Variants in SALL2 observed in about 807,000 individuals in gnomAD.
The protein encoded by SALL2 is spalt like transcription factor 2, also known as sal-like protein 2.
Under a neutral mutation model 58.5 loss-of-function variants are expected in SALL2, and 32 were observed. The observed-to-expected ratio is 0.55, with a 90% CI of 0.41 to 0.74. The LOEUF is 0.74. SALL2 is among the 30% of genes least tolerant of loss of function. The pLI is 0.00. For missense variants in SALL2, 1,201 were observed against 1,268.9 expected, an observed-to-expected ratio of 0.95 and a Z score of 0.81; for synonymous variants, 516 against 513.6, an observed-to-expected ratio of 1.00 and a Z score of -0.06.
Position 21,522,844 on chromosome 14 carries a change from C to T in SALL2, c.2878G>A (p.Ala960Thr). The part of the protein sequence containing the change: ...RATLKKHMLL[A>T]HHQVQPFAPH... ...GCAAAGGGCTGTACCTGGTGGTGTG[C>T]CAGGAGCATATGCTTCTTGAGGGTA... The change falls in exon 2 of 2, where the codon GCA (alanine) becomes ACA (threonine). Residue 960 changes from alanine (A) to threonine (T), a missense_variant. Ala to Thr is a moderately conservative substitution (Grantham distance 58). This residue lies in a region of SALL2 where 675 missense variants were observed against 683.8 expected (regional missense o/e 0.99). Coordinates refer to ENST00000537235, the MANE Select transcript of SALL2 (RefSeq NM_001364564.1). 1 of 1,610,528 alleles carries T rather than the reference C, an allele frequency of 6.2e-7. No individual in the cohort carries two copies. The highest frequency in any genetic ancestry group is 8.5e-7 in the Non-Finnish European group (1 of 1,178,426).
chr14:21,524,178 A>G lies in SALL2; in HGVS notation c.1544T>C (p.Val515Ala). Residue 515 changes from valine to alanine, a missense_variant, in exon 2 of 2, where the codon GTG (valine) becomes GCG (alanine). Physicochemically the swap from Val to Ala is moderately conservative, Grantham distance 64 (BLOSUM62 0). Coordinates refer to ENST00000537235, the MANE Select transcript of SALL2 (RefSeq NM_001364564.1). ...TTCATCAGCTTTATTCTTGGGTTCCACTGCTTTCATGAGCACAAACTTATT... is the reference window on the plus strand; with the variant it reads ...TTCATCAGCTTTATTCTTGGGTTCCGCTGCTTTCATGAGCACAAACTTATT... Reference protein sequence around the residue: ...AFNKFVLMKAVEPKNKADENT... With the variant: ...AFNKFVLMKAAEPKNKADENT... 1 of 1,612,330 alleles carries G rather than the reference A, an allele frequency of 6.2e-7. No individual in the cohort carries two copies. Among genetic ancestry groups the G allele is most frequent in the Non-Finnish European group, 8.5e-7 (1 of 1,179,112 alleles).
chr14:21,532,216 T>C (rs993365067), intron 1 of SALL2, among the ~76,000 whole-genome samples: 2 of 152,224 alleles, frequency 1.3e-5, no homozygotes, highest in Non-Finnish European at 2.9e-5. Flanking sequence ...ATGATTCCAT[T>C]AGTATGAGGT....
At chr14:21,528,662 C>G (rs1424428889), upstream of SALL2, among the ~76,000 whole-genome samples, 1 of 152,150 alleles carries the variant, frequency 6.6e-6, no homozygotes. Context: ...GATAAGGAAA[C>G]TGAAGCTTGG....
chr14:21,536,982 C>G, exon 1 of SALL2: 1 of 1,454,712 alleles, frequency 6.9e-7, no homozygotes, highest in Non-Finnish European at 9.7e-7. Context: ...CCGGGGTGAC[C>G]TGGTCTCGTC....
At position 21,524,465 on chromosome 14, in the gene SALL2, G is replaced by C; in HGVS notation, c.1257C>G (p.His419Gln). The change falls in exon 2 of 2, where the codon CAC becomes CAG. Residue 419 changes from histidine (H) to glutamine (Q), a missense_variant. Transcript: ENST00000537235. Reference protein sequence around the residue: ...TTRGNLKVHFHRHREKYPHVQ... With the variant: ...TTRGNLKVHFQRHREKYPHVQ... ...CATGTGGGTACTTCTCACGATGCCG[G>C]TGGAAATGCACTTTGAGGTTGCCAC... 1.2e-6 allele frequency: 2 copies of C among 1,614,268 alleles called. No homozygotes were observed. Among genetic ancestry groups the C allele is most frequent in the South Asian group, 2.2e-5 (2 of 91,088 alleles).
upstream of SALL2, chr14:21,526,401 C>T (rs59202868): frequency 2.0e-5 from 21 of 1,036,868 alleles, 1 homozygote; most frequent in African/African-American, 1.1e-4. Flanking sequence ...GGGAGGGAGG[C>T]GGGAGCTAGA....
At chr14:21,535,262 G>A (rs557055518) in intron 1 of SALL2, among the ~76,000 whole-genome samples, 12 of 151,530 alleles carry the variant, frequency 7.9e-5, no homozygotes, top group South Asian at 2.1e-4. Context: ...GGAGAATGGC[G>A]TGAACCTGGG....
Position 21,525,408 on chromosome 14 carries a change from G to A in SALL2, c.314C>T (p.Pro105Leu), listed in dbSNP as rs1481689597. ...CTCTGGGCCCCAGGTGGGATCCGTG[G>A]GCACGGAGGACCCAGAATCTGGGGG... Reference protein sequence around the residue: ...SNPPDSGSSVPTDPTWGPERR... With the variant: ...SNPPDSGSSVLTDPTWGPERR... Residue 105 changes from proline to leucine, a missense_variant, in exon 2 of 2, where the codon CCC becomes CTC. Pro to Leu is a moderately conservative substitution (Grantham distance 98). Coordinates refer to ENST00000537235, the MANE Select transcript of SALL2 (RefSeq NM_001364564.1). The surrounding 1 kb of genome is among the most constrained non-coding windows in gnomAD (Gnocchi z 4.4). The A allele has an allele frequency of 6.2e-7, 1 of 1,614,030 alleles. No homozygotes were observed. Among genetic ancestry groups the A allele is most frequent in the South Asian group, 1.1e-5 (1 of 91,074 alleles).
chr14:21,530,153 G>T (rs895137082), upstream of SALL2, among the ~76,000 whole-genome samples: 7 of 151,956 alleles, frequency 4.6e-5, no homozygotes, highest in Non-Finnish European at 1.0e-4. Flanking sequence ...TCCATGAATA[G>T]AATTTGATAT....
upstream of SALL2, chr14:21,526,577 C>T: frequency 1.1e-6 from 1 of 932,416 alleles, no homozygotes; most frequent in Non-Finnish European, 1.3e-6. Context: ...CCAGGCCTAC[C>T]CTCCTCCCCC....
In SALL2 at chr14:21,524,734, A is replaced by G. The variant is rs1439607867; in HGVS notation, c.988T>C (p.Cys330Arg). The G allele has an allele frequency of 1.2e-6, 2 of 1,611,886 alleles. No homozygotes were observed. Among genetic ancestry groups the G allele is most frequent in the Non-Finnish European group, 1.7e-6 (2 of 1,178,888 alleles). ...TCAAGGCCTCGGGCTGCCCCAAGACACTGTGCTGCCAGTAGTCCCGTGGTG... is the reference window on the plus strand; with the variant it reads ...TCAAGGCCTCGGGCTGCCCCAAGACGCTGTGCTGCCAGTAGTCCCGTGGTG... ...PSTTGLLAAQ[C>R]LGAARGLEAT... The change falls in exon 2 of 2, where the codon TGT (cysteine) becomes CGT (arginine). Residue 330 changes from cysteine to arginine, a missense_variant. Physicochemically the swap from Cys to Arg is radical, Grantham distance 180 (BLOSUM62 -3). Transcript: ENST00000537235.
intron 1 of SALL2, chr14:21,536,924 C>T: frequency 1.9e-6 from 3 of 1,614,072 alleles, no homozygotes; most frequent in African/African-American, 1.3e-5. Context: ...CGAGACATTC[C>T]CGGGTAGAGA....
Position 21,522,237 on chromosome 14 carries a change from T to TA in SALL2, c.*466dup, listed in dbSNP as rs749057075. The TA allele has an allele frequency of 1.3e-6, 2 of 1,592,710 alleles. No homozygotes were observed. The highest frequency in any genetic ancestry group is 1.7e-6 in the Non-Finnish European group (2 of 1,177,354). On this transcript the variant is annotated 3_prime_UTR_variant, in exon 2 of 2. Coordinates refer to ENST00000537235, the MANE Select transcript of SALL2 (RefSeq NM_001364564.1). ...CAGGCCATTTGACAGGAATGCCACATACTGGTTCTAGAAAGATAGGGGACC... is the reference window on the plus strand; with the variant it reads ...CAGGCCATTTGACAGGAATGCCACATAACTGGTTCTAGAAAGATAGGGGACC...
rs370096247 is a variant in SALL2, at chr14:21,524,344, C to T, written c.1378G>A (p.Glu460Lys). 29 of 1,614,034 alleles carry T rather than the reference C, an allele frequency of 1.8e-5. No homozygotes were observed. The highest frequency in any genetic ancestry group is 8.9e-5 in the East Asian group (4 of 44,872). The change falls in exon 2 of 2, where the codon GAG (glutamate) becomes AAG (lysine). Residue 460 changes from glutamate to lysine, a missense_variant. Physicochemically the swap from Glu to Lys is moderately conservative, Grantham distance 56. Around this residue, in one of 3 missense-constraint regions of SALL2, gnomAD observed 675 missense variants for 683.8 expected, o/e 0.99. Coordinates refer to ENST00000537235, the MANE Select transcript of SALL2 (RefSeq NM_001364564.1). ...YGMSVPPEKAEEEAATPGGGV... is the reference protein window; with the variant it reads ...YGMSVPPEKAKEEAATPGGGV... ...CCACCTGGAGTGGCTGCCTCCTCCT[C>T]GGCCTTCTCTGGTGGCACGGACATA...
rs1594461760 is a variant in SALL2, at chr14:21,525,030, G to A, written c.692C>T (p.Ser231Phe). 2 of 1,613,914 alleles carry A rather than the reference G, an allele frequency of 1.2e-6. No homozygotes were observed. The highest frequency in any genetic ancestry group is 1.7e-5 in the Admixed American group (1 of 59,988). ...PSELPGTGTA[S>F]STKPLLPLFS... ...GAGGGGTAGTAGGGGCTTGGTGGAA[G>A]AGGCAGTCCCTGTCCCAGGTAGCTC... is the stretch of plus-strand genomic sequence containing the variant. The change falls in exon 2 of 2, where the codon TCT becomes TTT. Residue 231 changes from serine to phenylalanine, a missense_variant. By Grantham distance (155) the Ser-to-Phe change is radical. Coordinates refer to ENST00000537235, the MANE Select transcript of SALL2 (RefSeq NM_001364564.1). This position sits in a 1 kb window ranked among gnomAD's most constrained non-coding sequence, Gnocchi z 4.4.
chr14:21,523,797 C>T lies in SALL2; in HGVS notation c.1925G>A (p.Arg642Gln), dbSNP rs1282959092. 10 of 1,614,054 alleles carry T rather than the reference C, an allele frequency of 6.2e-6. No homozygotes were observed. The highest frequency in any genetic ancestry group is 1.7e-5 in the Admixed American group (1 of 60,002). ...TTGGCCATAATGAAGGCGTAGGGCC[C>T]GAGGACAGCTAAGCACTCGGAGACA... The part of the protein sequence containing the change: ...VICLRVLSCP[R>Q]ALRLHYGQHG... The change falls in exon 2 of 2, where the codon CGG becomes CAG. Residue 642 changes from arginine to glutamine, a missense_variant. Arg to Gln is a conservative substitution (Grantham distance 43). Around this residue, in one of 3 missense-constraint regions of SALL2, gnomAD observed 675 missense variants for 683.8 expected, o/e 0.99. Coordinates refer to ENST00000537235, the MANE Select transcript of SALL2 (RefSeq NM_001364564.1). The surrounding 1 kb of genome is among the most constrained non-coding windows in gnomAD (Gnocchi z 4.4).
rs150475701 is a variant in SALL2, at chr14:21,524,751, C to A, written c.971G>T (p.Gly324Val). 3.7e-6 allele frequency: 6 copies of A among 1,609,036 alleles called. No homozygotes were observed. The African/African-American group carries it at 8.0e-5, about 21-fold the overall frequency. Reference protein sequence around the residue: ...SPHLAFPSTTGLLAAQCLGAA... With the variant: ...SPHLAFPSTTVLLAAQCLGAA... ...CCCAAGACACTGTGCTGCCAGTAGT[C>A]CCGTGGTGCTTGGGAATGCCAGATG... Residue 324 changes from glycine (G) to valine (V), a missense_variant, in exon 2 of 2, where the codon GGA becomes GTA. Physicochemically the swap from Gly to Val is moderately radical, Grantham distance 109 (BLOSUM62 -3). Transcript: ENST00000537235.
chr14:21,533,132 T>C (rs1892509109), intron 1 of SALL2, among the ~76,000 whole-genome samples: 1 of 151,976 alleles, frequency 6.6e-6, no homozygotes, highest in Non-Finnish European at 1.5e-5. Flanking sequence ...AGCCCTGGGG[T>C]AAGAAAGGTC....
chr14:21,522,755 G>A lies in SALL2; in HGVS notation c.2967C>T (p.Thr989=). 1 of 1,560,978 alleles carries A rather than the reference G, an allele frequency of 6.4e-7. No individual in the cohort carries two copies. Among genetic ancestry groups the A allele is most frequent in the Non-Finnish European group, 8.6e-7 (1 of 1,157,102 alleles). The change falls in exon 2 of 2, where the codon ACC becomes ACT. Residue 989 remains threonine, a synonymous_variant. Transcript: ENST00000537235. ...SLVPGCSPSI[T]STGLSPFPRK... ...GGGGAAAGGGGGAGAGCCCTGTGGA[G>A]GTGATGGAAGGCGAACAGCCAGGGA...
Sources: gnomAD v4.1 joint callset for allele counts (sites outside exome capture counted in the v4.1 genomes callset) on GRCh38, gnomAD v4.1.1 for gene constraint, gnomAD v4.1.1 regional missense constraint, Gnocchi (gnomAD v3.1) non-coding constraint, MANE v1.5 for transcripts, NCBI Gene and HGNC (gene_info 2026-07-23, HGNC 2026-07-21) for gene names.